Variants in L3MBTL4 observed in about 807,000 individuals in gnomAD.
The protein encoded by L3MBTL4 is L3MBTL histone methyl-lysine binding protein 4.
In L3MBTL4, 70 loss-of-function variants were observed where a neutral mutation model predicts 84.5. The ratio of observed to expected loss-of-function variants is 0.83; its 90% CI spans 0.68 to 1.01. The LOEUF is 1.01. L3MBTL4 is among the 50% of genes least tolerant of loss of function. The pLI, the probability that L3MBTL4 is intolerant of heterozygous loss-of-function variation, is 0.00. For synonymous variants in L3MBTL4, 274 were observed against 259.8 expected, an observed-to-expected ratio of 1.05 and a Z score of -0.52; for missense variants, 715 against 754.8, an observed-to-expected ratio of 0.95 and a Z score of 0.62.
intron 3 of L3MBTL4, 88 bp downstream of exon 3, chr18:6,311,466 A>AGT (rs1481310959): frequency 1.9e-6 from 2 of 1,055,700 alleles, no homozygotes; most frequent in African/African-American, 3.1e-5. Flanking sequence ...AAAGCCCCTG[A>AGT]GTGTGGTTAT....
At chr18:6,143,052 AC>A (rs920411261) in intron 13 of L3MBTL4, among the ~76,000 whole-genome samples, 22 of 152,144 alleles carry the variant, frequency 1.4e-4, no homozygotes, top group African/African-American at 5.3e-4. Flanking sequence ...GTAATATTAA[AC>A]CCACAAATTA....
chr18:6,059,051 G>A (rs1164080355), intron 16 of L3MBTL4, among the ~76,000 whole-genome samples: 3 of 152,180 alleles, frequency 2.0e-5, no homozygotes, highest in East Asian at 1.9e-4. Flanking sequence ...CTCAGCTGAC[G>A]GCAGGTGTCA....
intron 16 of L3MBTL4, among the ~76,000 whole-genome samples, chr18:6,073,733 C>A (rs551419704): frequency 6.6e-6 from 1 of 152,132 alleles, no homozygotes; most frequent in Non-Finnish European, 1.5e-5. Flanking sequence ...AATTGTAATT[C>A]TTTTTTCACG....
At chr18:6,391,171 T>C (rs2055035098) in intron 1 of L3MBTL4, among the ~76,000 whole-genome samples, 1 of 152,140 alleles carries the variant, frequency 6.6e-6, no homozygotes, top group South Asian at 2.1e-4. Context: ...GATGCAAGAA[T>C]ATTTTAACAT....
chr18:5,980,435 T>C (rs545756753), intron 16 of L3MBTL4, among the ~76,000 whole-genome samples: 1 of 150,262 alleles, frequency 6.7e-6, no homozygotes, highest in South Asian at 2.1e-4. Context: ...TTGCGCTTTT[T>C]TTTTTTTTTT....
chr18:5,963,401 A>G (rs2052160858), intron 17 of L3MBTL4, among the ~76,000 whole-genome samples: 1 of 152,214 alleles, frequency 6.6e-6, no homozygotes, highest in South Asian at 2.1e-4. Flanking sequence ...AAGGGAATAA[A>G]TAATGTGTTA....
chr18:6,203,510 G>A (rs2045737610), intron 12 of L3MBTL4, among the ~76,000 whole-genome samples: 1 of 152,150 alleles, frequency 6.6e-6, no homozygotes, highest in Non-Finnish European at 1.5e-5. Flanking sequence ...TGAGTTGGGA[G>A]AGCCTGATGT....
At chr18:6,368,838 T>G (rs2054040143) in intron 1 of L3MBTL4, among the ~76,000 whole-genome samples, 1 of 152,030 alleles carries the variant, frequency 6.6e-6, no homozygotes, top group Non-Finnish European at 1.5e-5. Flanking sequence ...GGTCAGGAGT[T>G]TGAGACCAGC....
At chr18:6,049,895 G>A (rs540749132) in intron 16 of L3MBTL4, among the ~76,000 whole-genome samples, 8 of 152,156 alleles carry the variant, frequency 5.3e-5, no homozygotes, top group Non-Finnish European at 1.2e-4. Context: ...TTTGAAAAAG[G>A]AAAGTAACTG....
Position 5,956,264 on chromosome 18 carries a change from G to A in L3MBTL4, c.1801C>T (p.Leu601Phe), listed in dbSNP as rs2144576678. The A allele has an allele frequency of 1.2e-6, 2 of 1,614,024 alleles. No homozygotes were observed. Residue 601 changes from leucine (L) to phenylalanine (F), a missense_variant, in exon 19 of 19, where the codon CTC becomes TTC. Leu to Phe is a conservative substitution (Grantham distance 22). Coordinates refer to ENST00000317931, the MANE Select transcript of L3MBTL4 (RefSeq NM_001330559.2). ...CCTGAGGCAATATCTTCTTCAGGGA[G>A]TTCCTGGGAATGCCTGAACATCAGG... ...SILMFRHSQE[L>F]PEEDIASGQE...
intron 4 of L3MBTL4, among the ~76,000 whole-genome samples, chr18:6,278,968 G>T (rs1266323032): frequency 6.6e-6 from 1 of 152,072 alleles, no homozygotes; most frequent in Non-Finnish European, 1.5e-5. Flanking sequence ...TACAAGAATG[G>T]GTAAACAGTG....
intron 16 of L3MBTL4, chr18:6,030,940 T>C: frequency 1.0e-6 from 1 of 985,016 alleles, no homozygotes; most frequent in Non-Finnish European, 1.2e-6. Flanking sequence ...AAGTTTATTG[T>C]TATGAAATAC....
At chr18:6,119,708 G>C (rs905998611) in intron 14 of L3MBTL4, among the ~76,000 whole-genome samples, 1 of 152,184 alleles carries the variant, frequency 6.6e-6, no homozygotes, top group African/African-American at 2.4e-5. Flanking sequence ...GGAGGTGTAT[G>C]TGTCCCAGGT....
chr18:6,012,013 C>T (rs910286749), intron 16 of L3MBTL4, among the ~76,000 whole-genome samples: 2 of 152,170 alleles, frequency 1.3e-5, no homozygotes, highest in Admixed American at 1.3e-4. Context: ...GCTTGAAGCA[C>T]ATTAAATTCA....
chr18:6,212,977 A>G (rs1410813803), intron 12 of L3MBTL4, among the ~76,000 whole-genome samples, 172 bp downstream of exon 12: 1 of 152,236 alleles, frequency 6.6e-6, no homozygotes, highest in African/African-American at 2.4e-5. Context: ...CTCTAGTCCC[A>G]TCTTGGCCAG....
At chr18:5,995,491 T>C (rs2053917010) in intron 16 of L3MBTL4, among the ~76,000 whole-genome samples, 1 of 152,232 alleles carries the variant, frequency 6.6e-6, no homozygotes, top group Non-Finnish European at 1.5e-5. Flanking sequence ...ATGGGAACTC[T>C]GAATCCAGCC....
At chr18:6,324,537 G>A (rs759664116) in intron 1 of L3MBTL4, among the ~76,000 whole-genome samples, 1 of 152,198 alleles carries the variant, frequency 6.6e-6, no homozygotes, top group Non-Finnish European at 1.5e-5. Flanking sequence ...GACTTGCTTT[G>A]ACCAATGGCA....
intron 4 of L3MBTL4, among the ~76,000 whole-genome samples, chr18:6,294,921 G>A (rs905692904): frequency 1.3e-5 from 2 of 152,044 alleles, no homozygotes; most frequent in Admixed American, 6.6e-5. Context: ...ATTTTAATAC[G>A]GTGTTTGCTT....
At chr18:6,336,195 G>T (rs1223863579) in intron 1 of L3MBTL4, among the ~76,000 whole-genome samples, 1 of 151,860 alleles carries the variant, frequency 6.6e-6, no homozygotes, top group Non-Finnish European at 1.5e-5. Context: ...ACTAATAAAG[G>T]CATTGGAGAG....
Sources: gnomAD v4.1 joint callset for allele counts (sites outside exome capture counted in the v4.1 genomes callset) on GRCh38, gnomAD v4.1.1 for gene constraint, MANE v1.5 for transcripts, NCBI Gene and HGNC (gene_info 2026-07-23, HGNC 2026-07-21) for gene names.